PTPRK: variants seen among roughly 807,000 people sequenced by gnomAD.
The protein encoded by PTPRK is protein tyrosine phosphatase receptor type K, also known as receptor-type tyrosine-protein phosphatase kappa.
Under a neutral mutation model 178.0 loss-of-function variants are expected in PTPRK, and 75 were observed. That is an observed-to-expected ratio of 0.42 (90% CI 0.35 to 0.51). PTPRK has a LOEUF of 0.51. Among genes scored for constraint, PTPRK ranks in the 20% least tolerant of loss-of-function variants. PTPRK has a pLI of 0.02. For missense variants in PTPRK, 1,441 were observed against 1,797.8 expected (o/e 0.80, Z 3.59); for synonymous variants, 637 against 620.6 (o/e 1.03, Z -0.39).
chr6:128,311,846 G>A (rs1159205406), intron 3 of PTPRK, among the ~76,000 whole-genome samples: 3 of 152,058 alleles, frequency 2.0e-5, no homozygotes, highest in Non-Finnish European at 4.4e-5. Flanking sequence ...TTTCTCCACA[G>A]TACTAATATT....
At chr6:128,192,909 A>G (rs1263093276) in intron 6 of PTPRK, among the ~76,000 whole-genome samples, 1 of 145,690 alleles carries the variant, frequency 6.9e-6, no homozygotes, top group Non-Finnish European at 1.5e-5. Flanking sequence ...AGGGAGGAAG[A>G]GAAGAAGGGA....
At chr6:128,058,050 C>T (rs1780201579) in intron 13 of PTPRK, among the ~76,000 whole-genome samples, 2 of 152,210 alleles carry the variant, frequency 1.3e-5, no homozygotes, top group African/African-American at 4.8e-5. Context: ...ATATGCCCAA[C>T]TTACTTATCC....
intron 7 of PTPRK, among the ~76,000 whole-genome samples, chr6:128,135,078 T>TTACACA (rs1554309214): frequency 3.2e-4 from 43 of 136,382 alleles, no homozygotes; most frequent in African/African-American, 1.2e-3. Flanking sequence ...AATCATTCAA[T>TTACACA]CACACACACA....
At chr6:128,492,045 G>T (rs1180987075) in intron 1 of PTPRK, among the ~76,000 whole-genome samples, 1 of 152,004 alleles carries the variant, frequency 6.6e-6, no homozygotes, top group Non-Finnish European at 1.5e-5. Flanking sequence ...CATATCATCA[G>T]GTTGCCTCCA....
chr6:128,511,442 C>T (rs1175254357), intron 1 of PTPRK, among the ~76,000 whole-genome samples: 1 of 152,180 alleles, frequency 6.6e-6, no homozygotes, highest in South Asian at 2.1e-4. Flanking sequence ...ACCTTAGAGC[C>T]TTATCAGGTG....
chr6:128,067,121 C>A (rs564668546), intron 12 of PTPRK, among the ~76,000 whole-genome samples: 4 of 152,320 alleles, frequency 2.6e-5, no homozygotes, highest in African/African-American at 9.6e-5. Context: ...GTGGAACACG[C>A]ATTCTGTTTA....
At chr6:128,091,293 T>C (rs528743197) in intron 7 of PTPRK, among the ~76,000 whole-genome samples, 119 of 152,278 alleles carry the variant, frequency 7.8e-4, no homozygotes, top group Non-Finnish European at 1.3e-3. Flanking sequence ...AGTCCACAGG[T>C]TGGAAGAAAG....
At chr6:128,407,430 A>C (rs1414358154) in intron 1 of PTPRK, among the ~76,000 whole-genome samples, 1 of 152,036 alleles carries the variant, frequency 6.6e-6, no homozygotes, top group Non-Finnish European at 1.5e-5. Context: ...TGAGCCTAAG[A>C]GTTCAAGACC....
At chr6:128,366,039 A>T (rs551055154) in intron 2 of PTPRK, among the ~76,000 whole-genome samples, 37 of 152,236 alleles carry the variant, frequency 2.4e-4, no homozygotes, top group Non-Finnish European at 4.3e-4. Flanking sequence ...CTATTTTAGT[A>T]GAAGACAGAT....
At chr6:128,242,681 T>C in intron 3 of PTPRK, 79 bp from the exon 4 acceptor site, 1 of 1,519,374 alleles carries the variant, frequency 6.6e-7, no homozygotes, top group Non-Finnish European at 8.8e-7. Context: ...GCTAAATATA[T>C]GCAAAAGTAA....
intron 7 of PTPRK, among the ~76,000 whole-genome samples, chr6:128,154,327 A>C (rs925935144): frequency 6.6e-6 from 1 of 151,802 alleles, no homozygotes; most frequent in Non-Finnish European, 1.5e-5. Context: ...ATAGCAAAAA[A>C]ATTAGGAAAA....
At chr6:128,070,417 C>A (rs1041555186) in intron 11 of PTPRK, among the ~76,000 whole-genome samples, 2 of 152,032 alleles carry the variant, frequency 1.3e-5, no homozygotes, top group African/African-American at 4.8e-5. Context: ...GGGGCCCTCA[C>A]CAAGAACCAA....
intron 1 of PTPRK, among the ~76,000 whole-genome samples, chr6:128,454,805 G>T (rs1049048107): frequency 1.3e-5 from 2 of 152,072 alleles, no homozygotes; most frequent in African/African-American, 4.8e-5. Flanking sequence ...GTCTGCTCAT[G>T]ATAAGTTTAC....
At chr6:128,350,812 G>A (rs1398233058) in intron 2 of PTPRK, among the ~76,000 whole-genome samples, 3 of 152,064 alleles carry the variant, frequency 2.0e-5, no homozygotes, top group African/African-American at 7.2e-5. Flanking sequence ...AGCTAGTAGA[G>A]CTTTCAATGT....
intron 7 of PTPRK, among the ~76,000 whole-genome samples, chr6:128,151,785 A>G (rs1358390901): frequency 6.6e-6 from 1 of 152,060 alleles, no homozygotes; most frequent in African/African-American, 2.4e-5. Context: ...AGGAAACAGA[A>G]TAACAGATGA....
chr6:128,048,273 T>C (rs1375385663), intron 13 of PTPRK, among the ~76,000 whole-genome samples: 1 of 152,046 alleles, frequency 6.6e-6, no homozygotes, highest in Non-Finnish European at 1.5e-5. Context: ...AACTGTGGAG[T>C]TGAGGCCCAG....
intron 29 of PTPRK, 90 bp downstream of exon 29, chr6:127,972,932 C>T: frequency 7.6e-7 from 1 of 1,315,674 alleles, no homozygotes. Context: ...ACATCTGATT[C>T]CCTATGTGTG....
At chr6:128,413,332 C>G (rs1842507142) in intron 1 of PTPRK, among the ~76,000 whole-genome samples, 1 of 151,966 alleles carries the variant, frequency 6.6e-6, no homozygotes, top group Admixed American at 6.6e-5. Context: ...TTCCATCCTA[C>G]TTTTCAAGGA....
At chr6:128,234,094 G>A (rs190492673) in intron 5 of PTPRK, among the ~76,000 whole-genome samples, 2 of 152,284 alleles carry the variant, frequency 1.3e-5, no homozygotes, top group Admixed American at 1.3e-4. Flanking sequence ...TCCAACCCCA[G>A]TTACAACCCT....
Sources: gnomAD v4.1 joint callset for allele counts (sites outside exome capture counted in the v4.1 genomes callset) on GRCh38, gnomAD v4.1.1 for gene constraint, MANE v1.5 for transcripts, NCBI Gene and HGNC (gene_info 2026-07-23, HGNC 2026-07-21) for gene names.